The following SLFN13 variants were observed in gnomAD, a reference collection of about 807,000 sequenced individuals.
SLFN13 encodes schlafen family member 13.
SLFN13 carries 43 observed loss-of-function variants against 50.6 expected under a neutral mutation model. The ratio of observed to expected loss-of-function variants is 0.85; its 90% CI spans 0.67 to 1.09. The LOEUF is 1.09. Ranked by LOEUF, SLFN13 falls within the 50% of genes least tolerant of loss-of-function variation. SLFN13 has a pLI of 0.00. For missense variants in SLFN13, 881 were observed against 1,071.1 expected (o/e 0.82, Z 2.48); for synonymous variants, 339 against 386.5 (o/e 0.88, Z 1.44).
chr17:35,442,947 A>G (rs940505692), intron 4 of SLFN13, among the ~76,000 whole-genome samples: 2 of 152,228 alleles, frequency 1.3e-5, no homozygotes, highest in Non-Finnish European at 2.9e-5. Context: ...GCTAATGACT[A>G]TAAAGCTCTC....
In SLFN13 at chr17:35,440,912, C is replaced by T. The variant is rs1279408663; in HGVS notation, c.2377G>A (p.Ala793Thr). ...FTLEQIVTYV[A>T]DTCRCFFERG... ...TCAAAGAAGCACCTGCAGGTGTCTG[C>T]CACATAGGTCACTATTTGCTCCAAA... The change falls in exon 6 of 6, where the codon GCA becomes ACA. Residue 793 changes from alanine (A) to threonine (T), a missense_variant. Around this residue, in one of 5 missense-constraint regions of SLFN13, gnomAD observed 322 missense variants for 327.4 expected, o/e 0.98. Transcript: ENST00000285013. The T allele has an allele frequency of 6.2e-7, 1 of 1,614,034 alleles. No homozygotes were observed. Among genetic ancestry groups the T allele is most frequent in the East Asian group, 2.2e-5 (1 of 44,888 alleles).
Position 35,441,124 on chromosome 17 carries a change from T to C in SLFN13, c.2165A>G (p.Tyr722Cys), listed in dbSNP as rs1674905782. ...HSGLPPLSAQ[Y>C]PREELTRVVR... The stretch of plus-strand genomic sequence containing the variant: ...TACTCTGGTGAGCTCTTCTCTTGGA[T>C]ACTGTGCTGAGAGAGGGGGAAGGCC... The change falls in exon 6 of 6, where the codon TAT (tyrosine) becomes TGT (cysteine). Residue 722 changes from tyrosine (Y) to cysteine (C), a missense_variant. By Grantham distance (194) the Tyr-to-Cys change is radical. This residue lies in a region of SLFN13 where 322 missense variants were observed against 327.4 expected (regional missense o/e 0.98). Coordinates refer to ENST00000285013, the MANE Select transcript of SLFN13 (RefSeq NM_144682.6). 2 of 1,613,956 alleles carry C rather than the reference T, an allele frequency of 1.2e-6. No individual in the cohort carries two copies. Among genetic ancestry groups the C allele is most frequent in the Non-Finnish European group, 8.5e-7 (1 of 1,180,010 alleles).
chr17:35,440,734 T>C lies in SLFN13; in HGVS notation c.2555A>G (p.Asp852Gly), dbSNP rs1912816334. 6.2e-7 allele frequency: 1 copy of C among 1,614,092 alleles called. No individual in the cohort carries two copies. The highest frequency in any genetic ancestry group is 8.5e-7 in the Non-Finnish European group (1 of 1,180,004). Residue 852 changes from aspartate to glycine, a missense_variant, in exon 6 of 6, where the codon GAC (aspartate) becomes GGC (glycine). Physicochemically the swap from Asp to Gly is moderately conservative, Grantham distance 94. Coordinates refer to ENST00000285013, the MANE Select transcript of SLFN13 (RefSeq NM_144682.6). ...CDMLGVHIVL[D>G]SVRRFSGLER... Reference sequence around the variant, plus strand: ...CAGGCCTGAGAATCGCCGGACACTGTCCAACACAATGTGCACACCCAACAT... The same window carrying C: ...CAGGCCTGAGAATCGCCGGACACTGCCCAACACAATGTGCACACCCAACAT...
Position 35,441,476 on chromosome 17 carries a change from C to G in SLFN13, c.1922+87G>C, listed in dbSNP as rs1912888926. The G allele has an allele frequency of 4.9e-5, 79 of 1,596,860 alleles. 2 individuals carry two copies. In the South Asian group the frequency reaches 8.9e-4, roughly 18 times the overall value. The stretch of plus-strand genomic sequence containing the variant: ...TATATTGCCACAGATCATTTTACCA[C>G]TCAATTCTCAAGGAAGAAGGTGACT... On this transcript the variant is annotated intron_variant, in intron 5 of 5. Coordinates refer to ENST00000285013, the MANE Select transcript of SLFN13 (RefSeq NM_144682.6).
At position 35,440,699 on chromosome 17, in the gene SLFN13, T is replaced by C; in HGVS notation, c.2590A>G (p.Ile864Val). The change falls in exon 6 of 6, where the codon ATA becomes GTA. Residue 864 changes from isoleucine (I) to valine (V), a missense_variant. Transcript: ENST00000285013. Reference protein sequence around the residue: ...VRRFSGLERSIVFGIHPRTAD... With the variant: ...VRRFSGLERSVVFGIHPRTAD... ...GTCCTTGGATGGATCCCAAACACTA[T>C]GCTCCTTTCCAGGCCTGAGAATCGC... The C allele has an allele frequency of 6.2e-7, 1 of 1,614,164 alleles. No homozygotes were observed. Among genetic ancestry groups the C allele is most frequent in the Non-Finnish European group, 8.5e-7 (1 of 1,180,022 alleles).
rs768597036 is a variant in SLFN13 at position 35,442,087 on chromosome 17, C to A, written c.1398G>T (p.Gln466His). The change falls in exon 5 of 6, where the codon CAG becomes CAT. Residue 466 changes from glutamine (Q) to histidine (H), a missense_variant. Physicochemically the swap from Gln to His is conservative, Grantham distance 24. Coordinates refer to ENST00000285013, the MANE Select transcript of SLFN13 (RefSeq NM_144682.6). ...GVICDALLIA[Q>H]NSTPILYTIL... is the part of the protein sequence containing the mutation. ...TGGTGTAGAGAATGGGGGTGCTGTT[C>A]TGTGCTATCAGCAGAGCATCACAGA... 2 of 1,613,932 alleles carry A rather than the reference C, an allele frequency of 1.2e-6. No individual in the cohort carries two copies. Among genetic ancestry groups the A allele is most frequent in the African/African-American group, 1.3e-5 (1 of 74,866 alleles).
In SLFN13 at chr17:35,440,893, A is replaced by G. The variant is rs975321530; in HGVS notation, c.2396T>C (p.Phe799Ser). 5 of 1,613,996 alleles carry G rather than the reference A, an allele frequency of 3.1e-6. No homozygotes were observed. Among genetic ancestry groups the G allele is most frequent in the Non-Finnish European group, 4.2e-6 (5 of 1,180,024 alleles). ...VTYVADTCRC[F>S]FERGYSPKDV... ...CTTTGGAGAATAGCCCCTTTCAAAG[A>G]AGCACCTGCAGGTGTCTGCCACATA... Residue 799 changes from phenylalanine (F) to serine (S), a missense_variant, in exon 6 of 6, where the codon TTC (phenylalanine) becomes TCC (serine). By Grantham distance (155) the Phe-to-Ser change is radical (BLOSUM62 -2). Coordinates refer to ENST00000285013, the MANE Select transcript of SLFN13 (RefSeq NM_144682.6).
rs1912788034 is a variant in SLFN13 at position 35,440,319 on chromosome 17, G to A, written c.*276C>T. ...AGAGAGCAAGACACAGGTCTGCATT[G>A]TGCAGCACAGCTAAAGTTCCTTTAG... On this transcript the variant is annotated 3_prime_UTR_variant, in exon 6 of 6. Coordinates refer to ENST00000285013, the MANE Select transcript of SLFN13 (RefSeq NM_144682.6). The A allele has an allele frequency of 2.0e-6, 1 of 511,352 alleles. No individual in the cohort carries two copies. The highest frequency in any genetic ancestry group is 1.9e-5 in the African/African-American group (1 of 52,354). The allele number at this position is 511,352 out of a possible 1,614,324, so 31.7% of individuals were successfully genotyped here.
chr17:35,448,694 C>G (rs11869223), intron 1 of SLFN13, 28 bp downstream of exon 1: 44,354 of 152,268 alleles, frequency 0.29, 6,631 homozygotes, highest in Middle Eastern at 0.34. Flanking sequence ...GCTCCGCAGT[C>G]CCCGTAGGAG....
At position 35,445,057 on chromosome 17, in the gene SLFN13, C is replaced by G. The variant is rs1443090123; in HGVS notation, c.624G>C (p.Glu208Asp). 6.2e-7 allele frequency: 1 copy of G among 1,614,034 alleles called. No homozygotes were observed. The change falls in exon 3 of 6, where the codon GAG becomes GAC. Residue 208 changes from glutamate to aspartate, a missense_variant. This residue lies in a region of SLFN13 where 497 missense variants were observed against 518.3 expected (regional missense o/e 0.96). Coordinates refer to ENST00000285013, the MANE Select transcript of SLFN13 (RefSeq NM_144682.6). ...IEYGEILSFP[E>D]SPSIEFKQFS... ...ACTGTTTAAACTCTATGGATGGAGA[C>G]TCAGGAAAAGATAGGATTTCACCAT...
Position 35,444,768 on chromosome 17 carries a change from TC to T in SLFN13, c.912del (p.Glu306SerfsTer8). On this transcript the variant is annotated frameshift_variant, in exon 3 of 6. Transcript: ENST00000285013. LOFTEE classifies it high-confidence loss of function. ...ACACAGAGATAGCCATACAACTCTT[TC>T]CCACAAAACACTTCTACGATTTTGG... ...YSTKIVEVFC[G>X]KELYGYLCVI... is the part of the protein sequence containing the mutation. 10 of 1,614,220 alleles carry T rather than the reference TC, an allele frequency of 6.2e-6. No individual in the cohort carries two copies. Among genetic ancestry groups the T allele is most frequent in the Non-Finnish European group, 8.5e-6 (10 of 1,180,048 alleles).
At position 35,440,353 on chromosome 17, in the gene SLFN13, C is replaced by A; in HGVS notation, c.*242G>T. On this transcript the variant is annotated 3_prime_UTR_variant, in exon 6 of 6. Transcript: ENST00000285013. ...AGCTAAAGTTCCTTTAGAAAACCACCATCTTTCTGGCTGCAAGAGTCAGGG... is the reference window on the plus strand; with the variant it reads ...AGCTAAAGTTCCTTTAGAAAACCACAATCTTTCTGGCTGCAAGAGTCAGGG... 1.8e-6 allele frequency: 1 copy of A among 566,216 alleles called. No homozygotes were observed. Among genetic ancestry groups the A allele is most frequent in the East Asian group, 2.9e-5 (1 of 34,360 alleles). 35.1% of individuals were successfully genotyped at this position (566,216 alleles called of 1,614,324 possible). A position where few individuals can be genotyped will look rare whatever the true frequency, so the allele number is the denominator to read the frequency against.
intron 2 of SLFN13, 44 bp from the exon 3 acceptor site, chr17:35,445,737 G>T: frequency 7.1e-7 from 1 of 1,400,400 alleles, no homozygotes; most frequent in Non-Finnish European, 9.6e-7. Context: ...TTAAAAAATT[G>T]TTACAGGCCT....
At chr17:35,448,557 T>A (rs2142101687) in intron 1 of SLFN13, among the ~76,000 whole-genome samples, 165 bp downstream of exon 1, 1 of 152,108 alleles carries the variant, frequency 6.6e-6, no homozygotes, top group Admixed American at 6.5e-5. Flanking sequence ...AGCACGCAAA[T>A]ACCCCGACTC....
At position 35,440,443 on chromosome 17, in the gene SLFN13, C is replaced by A; in HGVS notation, c.*152G>T. On this transcript the variant is annotated 3_prime_UTR_variant, in exon 6 of 6. Transcript: ENST00000285013. ...GGGGAGGAACCCCTGAAAGGAGAGC[C>A]AGAAATGGGGGAGCTCCAAACTCTT... is the stretch of plus-strand genomic sequence containing the variant. 2.1e-6 allele frequency: 2 copies of A among 941,168 alleles called. No individual in the cohort carries two copies. Among genetic ancestry groups the A allele is most frequent in the East Asian group, 5.2e-5 (2 of 38,548 alleles). The allele number at this position is 941,168 out of a possible 1,614,324, so 58.3% of individuals were successfully genotyped here. A position where few individuals can be genotyped will look rare whatever the true frequency, so the allele number is the denominator to read the frequency against.
chr17:35,446,291 C>G (rs1409936374), intron 2 of SLFN13, among the ~76,000 whole-genome samples: 2 of 152,202 alleles, frequency 1.3e-5, no homozygotes, highest in Non-Finnish European at 2.9e-5. Context: ...ATACTGCTGA[C>G]AGATACAGCT....
chr17:35,442,503 GC>G (rs1449034942), intron 4 of SLFN13, among the ~76,000 whole-genome samples: 1 of 152,216 alleles, frequency 6.6e-6, no homozygotes, highest in East Asian at 1.9e-4. Flanking sequence ...GAGTGCAGTG[GC>G]CCGATCTTGG....
At chr17:35,442,619 A>G (rs1912979380) in intron 4 of SLFN13, among the ~76,000 whole-genome samples, 1 of 151,642 alleles carries the variant, frequency 6.6e-6, no homozygotes, top group African/African-American at 2.4e-5. Flanking sequence ...ATTTTTTTGT[A>G]TTTTTAGTAG....
rs1478218811 is a variant in SLFN13 at position 35,438,319 on chromosome 17, T to G, written c.*2276A>C. The G allele has an allele frequency of 6.6e-6, 1 of 151,922 alleles. No individual in the cohort carries two copies. The highest frequency in any genetic ancestry group is 1.5e-5 in the Non-Finnish European group (1 of 68,000). The allele number at this position is 151,922 out of a possible 1,614,324, so 9.4% of individuals were successfully genotyped here. On this transcript the variant is annotated 3_prime_UTR_variant, in exon 6 of 6. Transcript: ENST00000285013. ...GCAATAAATATATAAGCTAAACATT[T>G]CCTCATCATATGGAAAAAGAAGAAA... is the stretch of plus-strand genomic sequence containing the variant.
Sources: gnomAD v4.1 joint callset for allele counts (sites outside exome capture counted in the v4.1 genomes callset) on GRCh38, gnomAD v4.1.1 for gene constraint, gnomAD v4.1.1 regional missense constraint, MANE v1.5 for transcripts, NCBI Gene and HGNC (gene_info 2026-07-23, HGNC 2026-07-21) for gene names.